The following UCN3 variants were observed in gnomAD, a reference collection of about 807,000 sequenced individuals.
The protein encoded by UCN3 is urocortin-3.
In UCN3, 3 loss-of-function variants were observed where a neutral mutation model predicts 3.6. That is an observed-to-expected ratio of 0.83 (90% CI 0.38 to 2.15). The LOEUF (loss-of-function observed/expected upper bound fraction) is 2.15, where lower values mean the gene tolerates loss of function less well. UCN3 is among the 30% of genes most tolerant of loss of function. The probability of loss-of-function intolerance (pLI) is 0.06; values close to 1 mark genes in which losing one functional copy is unlikely to be tolerated. For missense variants in UCN3, 206 were observed against 208.3 expected, an observed-to-expected ratio of 0.99 and a Z score of 0.07; for synonymous variants, 100 against 93.2, an observed-to-expected ratio of 1.07 and a Z score of -0.42.
rs1554811763 is a variant in UCN3 at position 5,373,786 on chromosome 10, C to T, written c.66C>T (p.Leu22=). The T allele has an allele frequency of 1.2e-6, 2 of 1,613,852 alleles. No individual in the cohort carries two copies. The highest frequency in any genetic ancestry group is 8.5e-7 in the Non-Finnish European group (1 of 1,179,938). ...LLLLGGPRTG[L]PHKFYKAKPI... ...TCCTGGGGGGCCCCAGGACAGGCCT[C>T]CCCCACAAGTTCTACAAAGCCAAGC... Residue 22 remains leucine (L), a synonymous_variant, in exon 2 of 2, where the codon CTC becomes CTT. Transcript: ENST00000380433.
chr10:5,372,349 G>A (rs12784992), intron 1 of UCN3, among the ~76,000 whole-genome samples: 1 of 152,208 alleles, frequency 6.6e-6, no homozygotes. Context: ...CTGTGAAGGA[G>A]CCCGGCGGGA....
chr10:5,370,791 A>T (rs560169888), intron 1 of UCN3, among the ~76,000 whole-genome samples: 3 of 101,100 alleles, frequency 3.0e-5, no homozygotes, highest in Non-Finnish European at 5.7e-5. Context: ...GTGTGTGTGT[A>T]TGCGTGTGTA....
chr10:5,372,149 A>G (rs1427917286), intron 1 of UCN3, among the ~76,000 whole-genome samples: 1 of 152,188 alleles, frequency 6.6e-6, no homozygotes, highest in African/African-American at 2.4e-5. Context: ...TGAATAAATA[A>G]ACGTGATGTC....
At position 5,370,851 on chromosome 10, in the gene UCN3, G is replaced by GTATATGTGTGTATATGTGTGTATA. The variant is rs1564443660; in HGVS notation, c.-6-2864_-6-2863insTATATGTGTGTATATGTGTGTATA. 8.2e-4 allele frequency among the ~76,000 whole-genome samples: 24 copies of GTATATGTGTGTATATGTGTGTATA among 29,228 alleles called. 1 individual carries two copies. The South Asian group carries it at 8.6e-3, about 10-fold the overall frequency. The allele number at this position is 29,228 out of a possible 152,430, so 19.2% of individuals were successfully genotyped here. Reference sequence around the variant, plus strand: ...CGCGTGTGTGTGCGCGTGTGTGTGCGCGTGTGTGTGCGTGTGTATGTGTGT... The same window carrying GTATATGTGTGTATATGTGTGTATA: ...CGCGTGTGTGTGCGCGTGTGTGTGCGTATATGTGTGTATATGTGTGTATACGTGTGTGTGCGTGTGTATGTGTGT... On this transcript the variant is annotated intron_variant, in intron 1 of 1. Coordinates refer to ENST00000380433, the MANE Select transcript of UCN3 (RefSeq NM_053049.4).
In UCN3 at chr10:5,373,936, G is replaced by C. The variant is rs1554811786; in HGVS notation, c.216G>C (p.Glu72Asp). 1.2e-6 allele frequency: 2 copies of C among 1,612,758 alleles called. No individual in the cohort carries two copies. The highest frequency in any genetic ancestry group is 1.6e-4 in the Middle Eastern group (1 of 6,062). The change falls in exon 2 of 2, where the codon GAG becomes GAC. Residue 72 changes from glutamate to aspartate, a missense_variant. Physicochemically the swap from Glu to Asp is conservative, Grantham distance 45. Coordinates refer to ENST00000380433, the MANE Select transcript of UCN3 (RefSeq NM_053049.4). ...LRSRDASSGE[E>D]EEGKEKKTFP... The stretch of plus-strand genomic sequence containing the variant: ...GCAGAGACGCCTCTTCGGGAGAGGA[G>C]GAGGAGGGCAAAGAGAAAAAGACTT...
intron 1 of UCN3, among the ~76,000 whole-genome samples, chr10:5,369,768 T>A (rs1431191241): frequency 2.6e-5 from 4 of 151,938 alleles, no homozygotes; most frequent in East Asian, 1.9e-4. Context: ...GACAAAAAAA[T>A]TAAAGGAAAG....
At chr10:5,369,283 T>TA (rs1328692636) in intron 1 of UCN3, among the ~76,000 whole-genome samples, 1 of 152,200 alleles carries the variant, frequency 6.6e-6, no homozygotes, top group Non-Finnish European at 1.5e-5. Context: ...ACTGTGTGTG[T>TA]AAAATGCACT....
At chr10:5,370,125 GTGTGTA>G (rs1831339879) in intron 1 of UCN3, among the ~76,000 whole-genome samples, 2 of 94,314 alleles carry the variant, frequency 2.1e-5, no homozygotes, top group Non-Finnish European at 4.0e-5. Context: ...GTGTGTATGT[GTGTGTA>G]TGTGTGTGTA....
intron 1 of UCN3, 101 bp from the exon 2 acceptor site, chr10:5,373,614 G>T (rs1354790744): frequency 6.6e-7 from 1 of 1,510,150 alleles, no homozygotes; most frequent in African/African-American, 1.4e-5. Context: ...GAGAACCCTT[G>T]TAGTGGAACA....
At chr10:5,370,861 G>GTGTATA (rs1554811425) in intron 1 of UCN3, among the ~76,000 whole-genome samples, 3 of 121,338 alleles carry the variant, frequency 2.5e-5, no homozygotes, top group East Asian at 3.0e-4. Flanking sequence ...GCGTGTGTGT[G>GTGTATA]CGTGTGTATG....
In UCN3 at chr10:5,367,187, G is replaced by GA. The variant is rs2132244448; in HGVS notation, c.-7+1961dup. The stretch of plus-strand genomic sequence containing the variant: ...ATCCAGAGGCTAGCCCATTGCAAGG[G>GA]AAAACCTGAACTTTTTCACAGGAAA... On this transcript the variant is annotated intron_variant, in intron 1 of 1. Transcript: ENST00000380433. The surrounding 1 kb of genome is among the most constrained non-coding windows in gnomAD (Gnocchi z 4.3). Among the ~76,000 whole-genome samples the GA allele has an allele frequency of 6.6e-6, 1 of 152,272 alleles. No homozygotes were observed. The highest frequency in any genetic ancestry group is 1.5e-5 in the Non-Finnish European group (1 of 68,028).
chr10:5,370,260 TGC>T (rs1470622615), intron 1 of UCN3, among the ~76,000 whole-genome samples: 2 of 97,752 alleles, frequency 2.0e-5, no homozygotes, highest in Non-Finnish European at 4.1e-5. Flanking sequence ...CGTGTGTATA[TGC>T]GTGTGTATAT....
At chr10:5,370,250 C>T (rs797038465) in intron 1 of UCN3, among the ~76,000 whole-genome samples, 34 of 19,218 alleles carry the variant, frequency 1.8e-3, no homozygotes, top group Admixed American at 3.7e-3. Flanking sequence ...TGTGTGTATG[C>T]GTGTGTATAT....
Position 5,374,132 on chromosome 10 carries a change from G to T in UCN3, c.412G>T (p.Ala138Ser). The change falls in exon 2 of 2, where the codon GCC becomes TCC. Residue 138 changes from alanine to serine, a missense_variant. Transcript: ENST00000380433. Reference protein sequence around the residue: ...TNIMNLLFNIAKAKNLRAQAA... With the variant: ...TNIMNLLFNISKAKNLRAQAA... Reference sequence around the variant, plus strand: ...CATCATGAACCTCCTCTTCAACATCGCCAAGGCCAAGAACCTGCGTGCCCA... The same window carrying T: ...CATCATGAACCTCCTCTTCAACATCTCCAAGGCCAAGAACCTGCGTGCCCA... The T allele has an allele frequency of 6.2e-7, 1 of 1,612,990 alleles. No individual in the cohort carries two copies.
At chr10:5,372,960 C>T (rs1338187426) in intron 1 of UCN3, among the ~76,000 whole-genome samples, 7 of 152,088 alleles carry the variant, frequency 4.6e-5, no homozygotes, top group Admixed American at 2.0e-4. Context: ...TGGACAATCA[C>T]CCTGACTCAG....
chr10:5,373,879 G>T lies in UCN3; in HGVS notation c.159G>T (p.Leu53=), dbSNP rs782393312. The change falls in exon 2 of 2, where the codon CTG becomes CTT. Residue 53 remains leucine, a synonymous_variant. Coordinates refer to ENST00000380433, the MANE Select transcript of UCN3 (RefSeq NM_053049.4). ...AEKGQWEDAS[L]LSKRSFHYLR... ...AGGGCCAGTGGGAGGATGCATCCCT[G>T]CTGAGCAAGAGGAGCTTCCACTACC... 6.2e-7 allele frequency: 1 copy of T among 1,614,044 alleles called. No homozygotes were observed. Among genetic ancestry groups the T allele is most frequent in the South Asian group, 1.1e-5 (1 of 91,076 alleles).
intron 1 of UCN3, among the ~76,000 whole-genome samples, chr10:5,368,490 T>A (rs1397256325): frequency 6.6e-6 from 1 of 151,984 alleles, no homozygotes; most frequent in African/African-American, 2.4e-5. Flanking sequence ...AGGAAAATAG[T>A]GAGGTCCTGG....
At position 5,365,157 on chromosome 10, in the gene UCN3, G is replaced by C. The variant is rs41305681; in HGVS notation, c.-80G>C. ...GCCACAAGTTCATGGGGACGTGCAC[G>C]GGGCCGCCCTCCTGGCCCTGAAGCT... On this transcript the variant is annotated 5_prime_UTR_variant, in exon 1 of 2. Transcript: ENST00000380433. This position sits in a 1 kb window ranked among gnomAD's most constrained non-coding sequence, Gnocchi z 4.4. 2.6e-5 allele frequency: 4 copies of C among 152,328 alleles called. No individual in the cohort carries two copies. The highest frequency in any genetic ancestry group is 5.9e-5 in the Non-Finnish European group (4 of 68,104). 9.4% of individuals were successfully genotyped at this position (152,328 alleles called of 1,614,324 possible). A position where few individuals can be genotyped will look rare whatever the true frequency, so the allele number is the denominator to read the frequency against.
intron 1 of UCN3, among the ~76,000 whole-genome samples, chr10:5,370,413 G>GTATA (rs1831362440): frequency 8.5e-6 from 1 of 118,202 alleles, no homozygotes. Flanking sequence ...GTGTATATGT[G>GTATA]TGTGTGTATA....
Sources: allele counts gnomAD v4.1 joint callset (sites outside exome capture counted in the v4.1 genomes callset), GRCh38; gene constraint gnomAD v4.1.1; non-coding constraint Gnocchi (gnomAD v3.1); transcripts MANE v1.5; gene names NCBI Gene and HGNC (gene_info 2026-07-23, HGNC 2026-07-21).